The following PSPC1 variants were observed in gnomAD, a reference collection of about 807,000 sequenced individuals.
PSPC1 encodes the protein paraspeckle protein 1.
A neutral mutation model predicts 51.6 loss-of-function variants in PSPC1; 14 were observed. That is an observed-to-expected ratio of 0.27 (90% CI 0.18 to 0.42). PSPC1 has a LOEUF of 0.42. PSPC1 is among the 10% of genes least tolerant of loss of function. The pLI, the probability that PSPC1 is intolerant of heterozygous loss-of-function variation, is 1.00. For missense variants in PSPC1, 406 were observed against 701.1 expected, an observed-to-expected ratio of 0.58 and a Z score of 4.75; for synonymous variants, 193 against 231.9, an observed-to-expected ratio of 0.83 and a Z score of 1.53.
At chr13:19,771,384 C>T (rs759169845) in intron 2 of PSPC1, among the ~76,000 whole-genome samples, 3 of 152,224 alleles carry the variant, frequency 2.0e-5, no homozygotes, top group South Asian at 2.1e-4. Context: ...GCAATCCACC[C>T]GCCTGGGCCT....
intron 1 of PSPC1, among the ~76,000 whole-genome samples, chr13:19,776,089 T>C (rs556212078): frequency 1.3e-5 from 2 of 151,990 alleles, no homozygotes; most frequent in South Asian, 4.2e-4. Flanking sequence ...GGAAGAAATA[T>C]GAAGACATTT....
intron 6 of PSPC1, among the ~76,000 whole-genome samples, chr13:19,685,055 A>G (rs1877711713): frequency 6.6e-6 from 1 of 152,248 alleles, no homozygotes; most frequent in Admixed American, 6.5e-5. Context: ...AATTTAGACT[A>G]TATAGACCAG....
At chr13:19,692,008 T>C (rs956999443) in intron 6 of PSPC1, among the ~76,000 whole-genome samples, 1 of 152,042 alleles carries the variant, frequency 6.6e-6, no homozygotes, top group African/African-American at 2.4e-5. Context: ...GTAGATGAGG[T>C]TGGAAAGGCG....
chr13:19,722,017 T>C (rs74035408), intron 6 of PSPC1, among the ~76,000 whole-genome samples: 1,836 of 152,304 alleles, frequency 0.012, 24 homozygotes, highest in Middle Eastern at 0.048. Context: ...ATAACTGAGC[T>C]GCATTGGCAT....
At chr13:19,761,136 T>C (rs185818000) in intron 2 of PSPC1, among the ~76,000 whole-genome samples, 3 of 152,042 alleles carry the variant, frequency 2.0e-5, no homozygotes, top group Non-Finnish European at 4.4e-5. Flanking sequence ...TAAGGCAAGA[T>C]GTCATCTCTA....
intron 5 of PSPC1, among the ~76,000 whole-genome samples, chr13:19,736,494 T>G (rs777898941): frequency 6.6e-6 from 1 of 151,824 alleles, no homozygotes; most frequent in Non-Finnish European, 1.5e-5. Context: ...CCATCCTGGC[T>G]AACACAGTGA....
Position 19,772,378 on chromosome 13 carries a change from C to CA in PSPC1, c.537dup (p.Gly180TrpfsTer12). The CA allele has an allele frequency of 6.2e-7, 1 of 1,614,178 alleles. No individual in the cohort carries two copies. The stretch of plus-strand genomic sequence containing the variant: ...ACCACAACAGCTTTCTCTACTGGAC[C>CA]AAACTGAGAAAATGCTTGCTCTAGC... On this transcript the variant is annotated frameshift_variant, in exon 2 of 9. Coordinates refer to ENST00000338910, the MANE Select transcript of PSPC1 (RefSeq NM_001354909.2). LOFTEE classifies it high-confidence loss of function.
intron 6 of PSPC1, among the ~76,000 whole-genome samples, chr13:19,719,849 T>G (rs548769524): frequency 1.1e-3 from 165 of 152,248 alleles, no homozygotes; most frequent in African/African-American, 3.9e-3. Context: ...AAGCTTCTAT[T>G]TGGCTGAGAT....
chr13:19,773,161 G>C (rs973796497), intron 1 of PSPC1, among the ~76,000 whole-genome samples: 2 of 150,576 alleles, frequency 1.3e-5, no homozygotes, highest in Non-Finnish European at 3.0e-5. Context: ...CTCTGTCTCG[G>C]AAAAAATAAA....
At position 19,782,648 on chromosome 13, in the gene PSPC1, A is replaced by G. The variant is rs1193828544; in HGVS notation, c.110T>C (p.Met37Thr). ...CGGCTCCCCGGCAAGAGCGAGCGCC[A>G]TGGCTGCCGCGGCCGCCGGCTCGCT... is the stretch of plus-strand genomic sequence containing the variant. ...GESEPAAAAAMALALAGEPAP... is the reference protein window; with the variant it reads ...GESEPAAAAATALALAGEPAP... The change falls in exon 1 of 9, where the codon ATG becomes ACG. Residue 37 changes from methionine to threonine, a missense_variant. By Grantham distance (81) the Met-to-Thr change is moderately conservative. Coordinates refer to ENST00000338910, the MANE Select transcript of PSPC1 (RefSeq NM_001354909.2). This position sits in a 1 kb window ranked among gnomAD's most constrained non-coding sequence, Gnocchi z 4.5. 1 of 1,557,346 alleles carries G rather than the reference A, an allele frequency of 6.4e-7. No individual in the cohort carries two copies. The highest frequency in any genetic ancestry group is 8.6e-7 in the Non-Finnish European group (1 of 1,160,644).
At chr13:19,681,389 T>C (rs1425451486) in intron 6 of PSPC1, among the ~76,000 whole-genome samples, 1 of 151,714 alleles carries the variant, frequency 6.6e-6, no homozygotes. Flanking sequence ...ACATGTTATA[T>C]ATTATGTAAT....
In PSPC1 at chr13:19,690,587, G is replaced by A. The variant is rs1461753542; in HGVS notation, c.1159-12764C>T. Among the ~76,000 whole-genome samples, 9 of 151,966 alleles carry A rather than the reference G, an allele frequency of 5.9e-5. No individual in the cohort carries two copies. In the South Asian group the frequency reaches 6.2e-4, roughly 11 times the overall value. On this transcript the variant is annotated intron_variant and NMD_transcript_variant, in intron 6 of 7. Transcript: ENST00000471658. ...GTAGGCGTTTTAAACTTACTTCCACGTCCTCTGGTCTTCTTACTGCTTGGG... is the reference window on the plus strand; with the variant it reads ...GTAGGCGTTTTAAACTTACTTCCACATCCTCTGGTCTTCTTACTGCTTGGG...
chr13:19,696,498 C>T (rs1244682641), intron 6 of PSPC1, among the ~76,000 whole-genome samples: 6 of 141,398 alleles, frequency 4.2e-5, no homozygotes, highest in South Asian at 2.2e-4. Context: ...CACACACACA[C>T]GCACACACAC....
In PSPC1 at chr13:19,682,559, G is replaced by A. The variant is rs555903601; in HGVS notation, c.1159-4736C>T. ...GAAGTTATCGGAAAATGTTCACAAC[G>A]TCAGGCTCACTAAAAAAAGTTATGA... On this transcript the variant is annotated intron_variant and NMD_transcript_variant, in intron 6 of 7. Transcript: ENST00000471658. Among the ~76,000 whole-genome samples, 343 of 148,676 alleles carry A rather than the reference G, an allele frequency of 2.3e-3. 2 individuals carry two copies. The highest frequency in any genetic ancestry group is 8.1e-3 in the African/African-American group (326 of 40,466).
chr13:19,749,205 G>A (rs146742828), intron 4 of PSPC1, among the ~76,000 whole-genome samples: 1,559 of 152,170 alleles, frequency 0.01, 11 homozygotes, highest in Middle Eastern at 0.034. Flanking sequence ...AAAATTAGCC[G>A]AGTGTAGAGG....
At chr13:19,713,621 A>T (rs1390016430) in intron 6 of PSPC1, among the ~76,000 whole-genome samples, 1 of 150,326 alleles carries the variant, frequency 6.7e-6, no homozygotes, top group African/African-American at 2.4e-5. Flanking sequence ...TCTTTGCGGT[A>T]TTTATAAGAT....
intron 5 of PSPC1, among the ~76,000 whole-genome samples, chr13:19,736,600 A>T (rs184941410): frequency 6.6e-6 from 1 of 152,060 alleles, no homozygotes. Flanking sequence ...GGAGAATGGC[A>T]TGAACCTGGG....
chr13:19,731,902 A>C (rs546579122), intron 5 of PSPC1, among the ~76,000 whole-genome samples: 1 of 152,216 alleles, frequency 6.6e-6, no homozygotes, highest in Admixed American at 6.5e-5. Flanking sequence ...TAAAACTGCA[A>C]AAGTAATTTA....
At chr13:19,751,703 C>T (rs1886570945) in intron 3 of PSPC1, among the ~76,000 whole-genome samples, 1 of 152,152 alleles carries the variant, frequency 6.6e-6, no homozygotes, top group South Asian at 2.1e-4. Context: ...CTGCATTCTC[C>T]TAATTATTAC....
Sources: allele counts gnomAD v4.1 joint callset (sites outside exome capture counted in the v4.1 genomes callset), GRCh38; gene constraint gnomAD v4.1.1; non-coding constraint Gnocchi (gnomAD v3.1); transcripts MANE v1.5; gene names NCBI Gene and HGNC (gene_info 2026-07-23, HGNC 2026-07-21).